The following MAMDC2 variants were observed in gnomAD, a reference collection of about 807,000 sequenced individuals.
MAMDC2 encodes the protein MAM domain containing 2.
Under a neutral mutation model 89.8 loss-of-function variants are expected in MAMDC2, and 57 were observed. The observed-to-expected ratio is 0.63, with a 90% CI of 0.51 to 0.79. The LOEUF is 0.79. Among genes scored for constraint, MAMDC2 ranks in the 30% least tolerant of loss-of-function variants. The probability of loss-of-function intolerance (pLI) is 0.00; values close to 1 mark genes in which losing one functional copy is unlikely to be tolerated. For missense variants in MAMDC2, 800 were observed against 820.6 expected (o/e 0.97, Z 0.31); for synonymous variants, 313 against 293.4 (o/e 1.07, Z -0.68).
intron 12 of MAMDC2, 112 bp downstream of exon 12, chr9:70,218,708 C>A: frequency 1.6e-6 from 2 of 1,258,516 alleles, no homozygotes. Flanking sequence ...GGGTCATAGA[C>A]AAAGGCAGGA....
chr9:70,116,824 T>C (rs2030018114), intron 5 of MAMDC2, among the ~76,000 whole-genome samples: 1 of 152,104 alleles, frequency 6.6e-6, no homozygotes, highest in South Asian at 2.1e-4. Flanking sequence ...TGAGAAGCAC[T>C]AAGACTTGCT....
At chr9:70,170,320 TG>T in intron 10 of MAMDC2, 158 bp from the exon 11 acceptor site, 1 of 617,244 alleles carries the variant, frequency 1.6e-6, no homozygotes, top group Non-Finnish European at 2.6e-6. Context: ...AGCCTCTAGC[TG>T]GAAGCAGTGG....
rs572379874 is a variant in MAMDC2 at position 70,199,197 on chromosome 9, T to TCCCTTCC, written c.1652-19136_1652-19135insTCCCCCT. On this transcript the variant is annotated intron_variant, in intron 11 of 13. Transcript: ENST00000377182. ...GCATTAGGTATATCTCCCAATGCTA[T>TCCCTTCC]CCCTCCCCCCACCCCACCACAGTCC... 4.0e-4 allele frequency among the ~76,000 whole-genome samples: 4 copies of TCCCTTCC among 9,888 alleles called. 1 individual carries two copies. The highest frequency in any genetic ancestry group is 1.9e-3 in the Admixed American group (1 of 514). 6.5% of individuals were successfully genotyped at this position (9,888 alleles called of 152,430 possible). A position where few individuals can be genotyped will look rare whatever the true frequency, so the allele number is the denominator to read the frequency against.
intron 2 of MAMDC2, among the ~76,000 whole-genome samples, chr9:70,059,937 C>G (rs1225509966): frequency 6.6e-6 from 1 of 152,160 alleles, no homozygotes; most frequent in Non-Finnish European, 1.5e-5. Context: ...GTCTGGAACC[C>G]TCTTCCTTCA....
intron 2 of MAMDC2, among the ~76,000 whole-genome samples, chr9:70,102,640 C>T (rs111658286): frequency 2.0e-4 from 30 of 152,052 alleles, no homozygotes; most frequent in Non-Finnish European, 8.8e-5. Flanking sequence ...CCCCAGGGCA[C>T]GTGGAGTCTG....
intron 2 of MAMDC2, among the ~76,000 whole-genome samples, chr9:70,097,045 C>T (rs1287796837): frequency 2.0e-5 from 3 of 152,114 alleles, no homozygotes; most frequent in Admixed American, 6.5e-5. Context: ...ATGATCTGTC[C>T]CATGTGGTCT....
chr9:70,113,575 G>A (rs541968466), intron 5 of MAMDC2, among the ~76,000 whole-genome samples: 2 of 152,322 alleles, frequency 1.3e-5, no homozygotes, highest in South Asian at 4.1e-4. Flanking sequence ...CAATACTGAT[G>A]ATTAGCTCTG....
In MAMDC2 at chr9:70,218,345, A is replaced by G. The variant is rs759750089; in HGVS notation, c.1660A>G (p.Met554Val). ...GDHTTGVGYY[M>V]YIEASHMVYG... ...TTTGCATTCACCTCAAGGCTACTAC[A>G]TGTACATTGAGGCCTCCCATATGGT... is the stretch of plus-strand genomic sequence containing the variant. Residue 554 changes from methionine (M) to valine (V), a missense_variant, in exon 12 of 14, where the codon ATG (methionine) becomes GTG (valine). Physicochemically the swap from Met to Val is conservative, Grantham distance 21 (BLOSUM62 1). Transcript: ENST00000377182. 8.1e-6 allele frequency: 13 copies of G among 1,612,940 alleles called. No individual in the cohort carries two copies. Among genetic ancestry groups the G allele is most frequent in the Non-Finnish European group, 1.1e-5 (13 of 1,179,228 alleles).
At chr9:70,072,390 A>G (rs928951848) in intron 2 of MAMDC2, among the ~76,000 whole-genome samples, 1 of 152,160 alleles carries the variant, frequency 6.6e-6, no homozygotes, top group African/African-American at 2.4e-5. Flanking sequence ...TCCTCAAGGT[A>G]AGAACTCAAG....
In MAMDC2 at chr9:70,143,680, T is replaced by G. The variant is rs1443025595; in HGVS notation, c.1265T>G (p.Leu422Ter). The G allele has an allele frequency of 6.2e-7, 1 of 1,614,220 alleles. No homozygotes were observed. The highest frequency in any genetic ancestry group is 2.2e-5 in the East Asian group (1 of 44,882). ...LRFHYAIYGF[L>*]KMSDTLAVYI... ...TTTCATTATGCCATCTATGGATTTT[T>G]AAAAATGAGTGACACCCTAGCAGTT... Residue 422 changes from leucine to a stop codon, truncating the protein, a stop_gained, in exon 9 of 14, where the codon TTA (leucine) becomes TGA (stop). Transcript: ENST00000377182. LOFTEE classifies it high-confidence loss of function.
rs1261530697 is a variant in MAMDC2 at position 70,218,522 on chromosome 9, TGGA to T, written c.1842_1844del (p.Arg616del). ...AGAAGACAGTGAAGAGTCCCTCTTATGGAGGAGAAGAGGTGAACAGAGCATTTC... is the reference window on the plus strand; with the variant it reads ...AGAAGACAGTGAAGAGTCCCTCTTATGGAGAAGAGGTGAACAGAGCATTTC... On this transcript the variant is annotated inframe_deletion, in exon 12 of 14. Coordinates refer to ENST00000377182, the MANE Select transcript of MAMDC2 (RefSeq NM_153267.5). The T allele has an allele frequency of 2.5e-6, 4 of 1,614,070 alleles. No homozygotes were observed. Among genetic ancestry groups the T allele is most frequent in the East Asian group, 2.2e-5 (1 of 44,894 alleles).
At chr9:70,202,889 T>TC (rs1563997682) in intron 11 of MAMDC2, among the ~76,000 whole-genome samples, 2 of 149,160 alleles carry the variant, frequency 1.3e-5, no homozygotes, top group Admixed American at 6.7e-5. Context: ...CCTGCCTTTT[T>TC]TTGTTTTCCA....
At chr9:70,077,238 T>C (rs1206653168) in intron 2 of MAMDC2, among the ~76,000 whole-genome samples, 1 of 152,206 alleles carries the variant, frequency 6.6e-6, no homozygotes, top group Non-Finnish European at 1.5e-5. Flanking sequence ...CGTCAAAGAA[T>C]GAAGGAGTAG....
At chr9:70,131,697 T>A in intron 7 of MAMDC2, 85 bp downstream of exon 7, 2 of 946,604 alleles carry the variant, frequency 2.1e-6, no homozygotes, top group Non-Finnish European at 3.3e-6. Context: ...TAATTGCTTT[T>A]AATTTTCATA....
At chr9:70,202,364 TTGAG>T (rs1346387587) in intron 11 of MAMDC2, among the ~76,000 whole-genome samples, 1 of 152,150 alleles carries the variant, frequency 6.6e-6, no homozygotes, top group Non-Finnish European at 1.5e-5. Flanking sequence ...TTGAGCGGCT[TTGAG>T]TGGGATTCTT....
chr9:70,221,385 A>AGAGAGAGAGAGAGAGAGAGAGAGAGAGG (rs1472759264), intron 12 of MAMDC2, among the ~76,000 whole-genome samples: 1 of 98,802 alleles, frequency 1.0e-5, no homozygotes, highest in African/African-American at 3.7e-5. Context: ...ATATATAGAG[A>AGAGAGAGAGAGAGAGAGAGAGAGAGAGG]GAGAGAGAGA....
At chr9:70,116,698 A>G (rs540753177) in intron 5 of MAMDC2, among the ~76,000 whole-genome samples, 1,596 of 57,104 alleles carry the variant, frequency 0.028, 20 homozygotes, top group African/African-American at 0.066. Flanking sequence ...TTGGCATTAG[A>G]AAAAAAAAAA....
intron 11 of MAMDC2, among the ~76,000 whole-genome samples, chr9:70,195,048 ATT>A: frequency 6.6e-6 from 1 of 152,120 alleles, no homozygotes; most frequent in South Asian, 2.1e-4. Flanking sequence ...CTAGCTGTCT[ATT>A]TTCAGGCTAA....
intron 5 of MAMDC2, 40 bp from the exon 6 acceptor site, chr9:70,126,119 C>T (rs759098544): frequency 6.4e-7 from 1 of 1,560,580 alleles, no homozygotes; most frequent in Non-Finnish European, 8.7e-7. Flanking sequence ...CTCCCCCACC[C>T]CCAACTCTTA....
Sources: gnomAD v4.1 joint callset for allele counts (sites outside exome capture counted in the v4.1 genomes callset) on GRCh38, gnomAD v4.1.1 for gene constraint, MANE v1.5 for transcripts, NCBI Gene and HGNC (gene_info 2026-07-23, HGNC 2026-07-21) for gene names.